FTCDNL1: variants seen among roughly 807,000 people sequenced by gnomAD.
FTCDNL1 encodes the protein formiminotransferase cyclodeaminase N-terminal like, also known as formiminotransferase N-terminal subdomain-containing protein.
FTCDNL1 carries 11 observed loss-of-function variants against 5.9 expected under a neutral mutation model. The ratio of observed to expected loss-of-function variants is 1.87; its 90% CI spans 1.18 to 3.10. FTCDNL1 has a LOEUF of 3.10. FTCDNL1 is among the 30% of genes most tolerant of loss of function. The probability of loss-of-function intolerance (pLI) is 0.00; values close to 1 mark genes in which losing one functional copy is unlikely to be tolerated. For missense variants in FTCDNL1, 115 were observed against 65.5 expected (o/e 1.76, Z -2.61); for synonymous variants, 58 against 24.8 (o/e 2.34, Z -3.99).
chr2:199,727,795 C>G, the FTCDNL1 span, among the ~76,000 whole-genome samples: 21 of 152,158 alleles, frequency 1.4e-4, no homozygotes, highest in African/African-American at 4.3e-4. Context: ...AGGGCTTTTA[C>G]ATAAATAATA....
At chr2:199,711,949 C>T in the FTCDNL1 span, among the ~76,000 whole-genome samples, 2 of 152,172 alleles carry the variant, frequency 1.3e-5, no homozygotes, top group African/African-American at 4.8e-5. Context: ...CATCTGATGG[C>T]TTGCCTGTGT....
intron 3 of FTCDNL1, among the ~76,000 whole-genome samples, chr2:199,795,082 T>G (rs923678976): frequency 6.6e-6 from 1 of 152,074 alleles, no homozygotes; most frequent in African/African-American, 2.4e-5. Flanking sequence ...AGTTTCCCTA[T>G]TAGAGAAAAG....
intron 4 of FTCDNL1, chr2:199,819,175 C>G (rs933984829): frequency 5.9e-6 from 1 of 170,040 alleles, no homozygotes; most frequent in African/African-American, 2.4e-5. Flanking sequence ...TTCCTACCAG[C>G]TAGAAGTGAT....
chr2:199,798,029 G>A (rs1223415264), intron 3 of FTCDNL1, among the ~76,000 whole-genome samples: 1 of 152,152 alleles, frequency 6.6e-6, no homozygotes, highest in African/African-American at 2.4e-5. Context: ...TTTGATGTCT[G>A]TCTTTATGAG....
the FTCDNL1 span, among the ~76,000 whole-genome samples, chr2:199,735,874 T>C: frequency 6.6e-6 from 1 of 150,576 alleles, no homozygotes; most frequent in African/African-American, 2.4e-5. Flanking sequence ...AGAGCCAGAA[T>C]AACTACCATC....
rs905941181 is a variant in FTCDNL1 at position 199,794,970 on chromosome 2, C to T, written c.212-34135G>A. ...CCTTACCCTCTTGAAGAGGCAACAA[C>T]ATGTAGGGACTTTGGAGTCAGACTG... On this transcript the variant is annotated intron_variant, in intron 3 of 3. Transcript: ENST00000416668. 4.1e-4 allele frequency among the ~76,000 whole-genome samples: 63 copies of T among 152,290 alleles called. 1 individual carries two copies. Among genetic ancestry groups the T allele is most frequent in the African/African-American group, 1.5e-3 (63 of 41,560 alleles).
At chr2:199,844,686 T>G (rs1263008708) in intron 3 of FTCDNL1, among the ~76,000 whole-genome samples, 1 of 152,100 alleles carries the variant, frequency 6.6e-6, no homozygotes, top group Non-Finnish European at 1.5e-5. Flanking sequence ...ATCTAACCTT[T>G]CCCCTCACCC....
the FTCDNL1 span, among the ~76,000 whole-genome samples, chr2:199,706,161 C>A: frequency 6.6e-6 from 1 of 152,156 alleles, no homozygotes; most frequent in African/African-American, 2.4e-5. Flanking sequence ...CTGCTATTCC[C>A]TGAATACAGG....
chr2:199,676,208 C>T, the FTCDNL1 span, among the ~76,000 whole-genome samples: 4 of 152,164 alleles, frequency 2.6e-5, no homozygotes, highest in Non-Finnish European at 4.4e-5. Context: ...GAAGAGAGAA[C>T]AGATATTGAG....
chr2:199,710,576 T>C, the FTCDNL1 span, among the ~76,000 whole-genome samples: 16 of 152,146 alleles, frequency 1.1e-4, no homozygotes, highest in African/African-American at 3.9e-4. Context: ...GATTCAACTG[T>C]ATAATATTTT....
At chr2:199,802,085 T>C (rs1700486782) in intron 3 of FTCDNL1, among the ~76,000 whole-genome samples, 1 of 152,202 alleles carries the variant, frequency 6.6e-6, no homozygotes, top group Non-Finnish European at 1.5e-5. Flanking sequence ...CCACTCATCA[T>C]GAAAGGACAT....
chr2:199,745,286 G>T, the FTCDNL1 span, among the ~76,000 whole-genome samples: 3 of 152,250 alleles, frequency 2.0e-5, no homozygotes, highest in Non-Finnish European at 4.4e-5. Context: ...TCTTCATGGA[G>T]TTTACATTTT....
chr2:199,677,200 T>A, the FTCDNL1 span, among the ~76,000 whole-genome samples: 1 of 152,160 alleles, frequency 6.6e-6, no homozygotes, highest in Admixed American at 6.6e-5. Flanking sequence ...GCTGGACTAG[T>A]CATGTTACAT....
chr2:199,717,509 A>ATTTTT, the FTCDNL1 span, among the ~76,000 whole-genome samples: 176 of 57,680 alleles, frequency 3.1e-3, 13 homozygotes, highest in African/African-American at 9.6e-3. Flanking sequence ...CAAGGCAGAG[A>ATTTTT]TTTTTTTTTT....
the FTCDNL1 span, among the ~76,000 whole-genome samples, chr2:199,674,673 A>G: frequency 6.6e-6 from 1 of 152,208 alleles, no homozygotes; most frequent in Non-Finnish European, 1.5e-5. Flanking sequence ...CTATGTCCTC[A>G]TATGCACACT....
At chr2:199,827,375 T>A (rs1170143713) in intron 3 of FTCDNL1, among the ~76,000 whole-genome samples, 1 of 146,048 alleles carries the variant, frequency 6.8e-6, no homozygotes, top group Non-Finnish European at 1.5e-5. Flanking sequence ...GACTCAGAGA[T>A]ACAACAATCA....
chr2:199,716,421 G>A, the FTCDNL1 span, among the ~76,000 whole-genome samples: 3 of 152,164 alleles, frequency 2.0e-5, no homozygotes, highest in Non-Finnish European at 2.9e-5. Context: ...TTTAGGTAAT[G>A]TTTGGATGAC....
chr2:199,760,714 G>A (rs780821135), exon 4 of FTCDNL1: 93 of 693,324 alleles, frequency 1.3e-4, no homozygotes, highest in Non-Finnish European at 1.2e-4. Context: ...AAATGGTACT[G>A]TGTGTTGGTT....
chr2:199,703,202 C>T, the FTCDNL1 span, among the ~76,000 whole-genome samples: 3 of 151,760 alleles, frequency 2.0e-5, no homozygotes, highest in Non-Finnish European at 4.4e-5. Context: ...CTATCCCTCC[C>T]CCCTGCCCCC....
Sources: gnomAD v4.1 joint callset for allele counts (sites outside exome capture counted in the v4.1 genomes callset) on GRCh38, gnomAD v4.1.1 for gene constraint, MANE v1.5 for transcripts, NCBI Gene and HGNC (gene_info 2026-07-23, HGNC 2026-07-21) for gene names.